Variants in NID1 observed in about 807,000 individuals in gnomAD.
NID1 encodes nidogen-1.
A neutral mutation model predicts 130.6 loss-of-function variants in NID1; 76 were observed. The ratio of observed to expected loss-of-function variants is 0.58; its 90% CI spans 0.48 to 0.70. The LOEUF is 0.70. Among genes scored for constraint, NID1 ranks in the 30% least tolerant of loss-of-function variants. The pLI is 0.00. For missense variants in NID1, 1,517 were observed against 1,664.8 expected (o/e 0.91, Z 1.54); for synonymous variants, 665 against 675.1 (o/e 0.98, Z 0.23).
chr1:236,050,409 C>T (rs1304223848), intron 1 of NID1, among the ~76,000 whole-genome samples: 2 of 151,914 alleles, frequency 1.3e-5, no homozygotes, highest in African/African-American at 2.4e-5. Flanking sequence ...CAAAATTAGC[C>T]GGACATGGTG....
At chr1:236,057,881 A>T (rs1008419399) in intron 1 of NID1, among the ~76,000 whole-genome samples, 1 of 152,108 alleles carries the variant, frequency 6.6e-6, no homozygotes, top group African/African-American at 2.4e-5. Context: ...TGACCTCCCA[A>T]CCAGGGTTTA....
intron 2 of NID1, among the ~76,000 whole-genome samples, chr1:236,045,912 A>G (rs1659588437): frequency 6.6e-6 from 1 of 152,236 alleles, no homozygotes. Context: ...ATTCATAAAT[A>G]TCTTCTGCAT....
rs1657356586 is a variant in NID1 at position 235,979,126 on chromosome 1, C to G, written c.3510-19G>C. On this transcript the variant is annotated intron_variant, in intron 18 of 19. Coordinates refer to ENST00000264187, the MANE Select transcript of NID1 (RefSeq NM_002508.3). The surrounding 1 kb of genome is among the most constrained non-coding windows in gnomAD (Gnocchi z 4.6). ...GGAATTCCTACAAAGCACCAAAGGG[C>G]AGAAGGTGAAAACACATCTGATGGC... is the stretch of plus-strand genomic sequence containing the variant. 1 of 1,530,988 alleles carries G rather than the reference C, an allele frequency of 6.5e-7. No homozygotes were observed. The allele number at this position is 1,530,988 out of a possible 1,614,324, so 94.8% of individuals were successfully genotyped here. A position where few individuals can be genotyped will look rare whatever the true frequency, so the allele number is the denominator to read the frequency against.
In NID1 at chr1:236,036,030, G is replaced by A. The variant is rs567119843; in HGVS notation, c.1285+2074C>T. On this transcript the variant is annotated intron_variant, in intron 5 of 19. Transcript: ENST00000264187. ...GTATATAATGTCAAAATATGTGGCTGAACAGTTTGTCATATCTGAGCTGGC... is the reference window on the plus strand; with the variant it reads ...GTATATAATGTCAAAATATGTGGCTAAACAGTTTGTCATATCTGAGCTGGC... Among the ~76,000 whole-genome samples, 19 of 152,266 alleles carry A rather than the reference G, an allele frequency of 1.2e-4. No homozygotes were observed. The South Asian group carries it at 3.9e-3, about 32-fold the overall frequency.
chr1:235,984,884 G>C (rs752781225), intron 15 of NID1, among the ~76,000 whole-genome samples: 15 of 152,108 alleles, frequency 9.9e-5, no homozygotes, highest in Non-Finnish European at 1.9e-4. Context: ...AATTGAGGTT[G>C]AACACTGAAA....
chr1:235,980,875 T>C (rs942115670), intron 16 of NID1, among the ~76,000 whole-genome samples: 3 of 152,192 alleles, frequency 2.0e-5, no homozygotes, highest in Non-Finnish European at 4.4e-5. Flanking sequence ...ACAAATTTGG[T>C]TCCCTTTAAC....
At chr1:236,026,285 A>G (rs1658929313) in intron 7 of NID1, 144 bp from the exon 8 acceptor site, 2 of 944,966 alleles carry the variant, frequency 2.1e-6, no homozygotes, top group Admixed American at 5.5e-5. Flanking sequence ...CAGACAGAAC[A>G]GCTTAAATAA....
At chr1:235,999,938 GC>G (rs34669841) in intron 12 of NID1, among the ~76,000 whole-genome samples, 1 of 152,302 alleles carries the variant, frequency 6.6e-6, no homozygotes, top group African/African-American at 2.4e-5. Context: ...AACAGGCCGG[GC>G]CCTGTGGCTC....
At chr1:236,004,694 G>A (rs55698006) in intron 12 of NID1, among the ~76,000 whole-genome samples, 5,145 of 146,106 alleles carry the variant, frequency 0.035, 186 homozygotes, top group African/African-American at 0.091. Flanking sequence ...CCCGGGAGGC[G>A]GAGCTTGCAG....
intron 1 of NID1, among the ~76,000 whole-genome samples, chr1:236,056,681 G>A (rs531801521): frequency 1.4e-4 from 22 of 151,730 alleles, no homozygotes; most frequent in Admixed American, 2.6e-4. Flanking sequence ...CACTCTCTAC[G>A]TCCACCCTTC....
chr1:236,053,138 G>A (rs1170996167), intron 1 of NID1, among the ~76,000 whole-genome samples: 7 of 152,120 alleles, frequency 4.6e-5, no homozygotes, highest in South Asian at 2.1e-4. Context: ...ATTATTCACT[G>A]ATTCATCAAA....
At position 236,063,490 on chromosome 1, in the gene NID1, A is replaced by T. The variant is rs1483306518; in HGVS notation, c.225+1365T>A. On this transcript the variant is annotated intron_variant, in intron 1 of 19. Coordinates refer to ENST00000264187, the MANE Select transcript of NID1 (RefSeq NM_002508.3). ...CTGTCTCAAAAAAAAAAATAAATAA[A>T]TAAATAAATAAATAAAGTAAGCATA... Among the ~76,000 whole-genome samples the T allele has an allele frequency of 1.0e-3, 151 of 144,250 alleles. 2 individuals carry two copies. The highest frequency in any genetic ancestry group is 4.1e-3 in the African/African-American group (146 of 35,326). 94.6% of individuals were successfully genotyped at this position (144,250 alleles called of 152,430 possible). A position where few individuals can be genotyped will look rare whatever the true frequency, so the allele number is the denominator to read the frequency against.
At chr1:236,048,604 A>T in intron 2 of NID1, 86 bp downstream of exon 2, 1 of 1,417,216 alleles carries the variant, frequency 7.1e-7, no homozygotes, top group Non-Finnish European at 9.5e-7. Context: ...TGTATAACTT[A>T]TGTCAAAGCA....
At chr1:236,061,160 A>G (rs1420414169) in intron 1 of NID1, among the ~76,000 whole-genome samples, 5 of 152,226 alleles carry the variant, frequency 3.3e-5, no homozygotes, top group Admixed American at 3.3e-4. Context: ...AAAATAAAAC[A>G]TCATCCTGCA....
chr1:236,010,045 C>T (rs765528426), intron 12 of NID1, among the ~76,000 whole-genome samples: 1 of 152,082 alleles, frequency 6.6e-6, no homozygotes, highest in Non-Finnish European at 1.5e-5. Context: ...AAATTGGAAA[C>T]ATCTGCTTCT....
intron 6 of NID1, among the ~76,000 whole-genome samples, chr1:236,031,580 G>A (rs1659103833): frequency 6.6e-6 from 1 of 152,212 alleles, no homozygotes; most frequent in Admixed American, 6.5e-5. Flanking sequence ...CTCCAGGTTG[G>A]CTCAGGCAGT....
intron 9 of NID1, 139 bp downstream of exon 9, chr1:236,023,931 T>C (rs1263326928): frequency 8.9e-7 from 1 of 1,123,464 alleles, no homozygotes. Flanking sequence ...GAAGCATAAA[T>C]AATTCAGGCC....
intron 12 of NID1, among the ~76,000 whole-genome samples, chr1:236,002,305 C>G (rs567690685): frequency 6.6e-6 from 1 of 152,310 alleles, no homozygotes; most frequent in African/African-American, 2.4e-5. Context: ...GAGTTTGAGA[C>G]CAGCCTGGCT....
chr1:236,024,104 G>A lies in NID1; in HGVS notation c.2094C>T (p.Ser698=). Residue 698 remains serine (S), a synonymous_variant, in exon 9 of 20, where the codon TCC becomes TCT. Transcript: ENST00000264187. ...TTCGCCCGTCTCCTCGGAAGCCGAT[G>A]GAGCACTCGCAGGTGAACTGTGTCC... ...GPRTQFTCEC[S]IGFRGDGRTC... is the part of the protein sequence containing the mutation. 1 of 1,614,258 alleles carries A rather than the reference G, an allele frequency of 6.2e-7. No individual in the cohort carries two copies. The highest frequency in any genetic ancestry group is 8.5e-7 in the Non-Finnish European group (1 of 1,180,048).
Sources: gnomAD v4.1 joint callset for allele counts (sites outside exome capture counted in the v4.1 genomes callset) on GRCh38, gnomAD v4.1.1 for gene constraint, Gnocchi (gnomAD v3.1) non-coding constraint, MANE v1.5 for transcripts, NCBI Gene and HGNC (gene_info 2026-07-23, HGNC 2026-07-21) for gene names.